UPP2: variants seen among roughly 807,000 people sequenced by gnomAD.
The protein encoded by UPP2 is uridine phosphorylase 2, also known as UPase 2.
A neutral mutation model predicts 26.7 loss-of-function variants in UPP2; 23 were observed. The observed-to-expected ratio is 0.86, with a 90% CI of 0.62 to 1.22. The LOEUF is 1.22. UPP2 is among the 50% of genes most tolerant of loss of function. The pLI is 0.00. For missense variants in UPP2, 387 were observed against 396.7 expected (o/e 0.98, Z 0.21); for synonymous variants, 127 against 141.3 (o/e 0.90, Z 0.72).
At chr2:158,095,775 A>T (rs1682975545) in intron 3 of UPP2, among the ~76,000 whole-genome samples, 1 of 151,424 alleles carries the variant, frequency 6.6e-6, no homozygotes, top group South Asian at 2.1e-4. Flanking sequence ...TGTTACTGAC[A>T]TTCTTCCTGT....
chr2:158,107,762 A>C (rs1574295711), intron 2 of UPP2, among the ~76,000 whole-genome samples: 1 of 152,236 alleles, frequency 6.6e-6, no homozygotes, highest in East Asian at 1.9e-4. Context: ...CCTAGGAAGG[A>C]AGGTGTGAGG....
Position 158,067,686 on chromosome 2 carries a change from C to T in UPP2, c.148-34354C>T, listed in dbSNP as rs914121509. The stretch of plus-strand genomic sequence containing the variant: ...TTTTATTTCATTACAAATACTGTGC[C>T]CCAGAATAATTCCTGAAACTCACTT... On this transcript the variant is annotated intron_variant, in intron 3 of 9. Transcript: ENST00000605860. Among the ~76,000 whole-genome samples the T allele has an allele frequency of 9.9e-5, 15 of 151,904 alleles. 2 individuals carry two copies. The highest frequency in any genetic ancestry group is 8.5e-4 in the Admixed American group (13 of 15,248).
intron 2 of UPP2, among the ~76,000 whole-genome samples, chr2:158,008,016 G>C (rs1683519594): frequency 6.6e-6 from 1 of 152,138 alleles, no homozygotes; most frequent in Non-Finnish European, 1.5e-5. Flanking sequence ...CAGGATCTAA[G>C]AATACATTTA....
In UPP2 at chr2:157,996,538, C is replaced by T. The variant is rs182541417; in HGVS notation, c.61+1279C>T. ...AATTAGATCCCAAAGAAAATTATTC[C>T]GGCTAATTATAAATCTTTGAAAGTT... On this transcript the variant is annotated intron_variant, in intron 2 of 9. Transcript: ENST00000605860. Among the ~76,000 whole-genome samples, 273 of 152,112 alleles carry T rather than the reference C, an allele frequency of 1.8e-3. 1 individual carries two copies. The highest frequency in any genetic ancestry group is 5.9e-3 in the African/African-American group (244 of 41,492).
rs1410258679 is a variant in UPP2 at position 158,102,233 on chromosome 2, T to C, written c.62+108T>C. The C allele has an allele frequency of 5.9e-6, 7 of 1,184,534 alleles. No homozygotes were observed. The Admixed American group carries it at 9.7e-5, about 16-fold the overall frequency. The allele number at this position is 1,184,534 out of a possible 1,614,324, so 73.4% of individuals were successfully genotyped here. ...TCTACAGTTAAGCAAATTTCTTAAATGTAGAGATTATATCACTGGATGCAG... is the reference window on the plus strand; with the variant it reads ...TCTACAGTTAAGCAAATTTCTTAAACGTAGAGATTATATCACTGGATGCAG... On this transcript the variant is annotated intron_variant, in intron 1 of 6. Coordinates refer to ENST00000005756, the MANE Select transcript of UPP2 (RefSeq NM_173355.4).
chr2:158,058,031 T>G (rs913795977), intron 3 of UPP2, among the ~76,000 whole-genome samples: 8 of 152,162 alleles, frequency 5.3e-5, no homozygotes, highest in South Asian at 2.1e-4. Context: ...AGTGGCTCAC[T>G]CCTGTAATCC....
chr2:158,047,245 G>A (rs912688812), intron 3 of UPP2, among the ~76,000 whole-genome samples: 12 of 152,136 alleles, frequency 7.9e-5, no homozygotes, highest in Non-Finnish European at 7.4e-5. Flanking sequence ...ACACAGCGGG[G>A]GTATTGAGGT....
At chr2:158,104,917 A>AAAGAG (rs1683148556) in intron 1 of UPP2, among the ~76,000 whole-genome samples, 1 of 79,026 alleles carries the variant, frequency 1.3e-5, no homozygotes, top group East Asian at 3.2e-4. Flanking sequence ...CGAAACTCTG[A>AAAGAG]AAGGGAAGGG....
chr2:158,117,255 A>G (rs568702717), intron 3 of UPP2, among the ~76,000 whole-genome samples: 1 of 152,106 alleles, frequency 6.6e-6, no homozygotes, highest in East Asian at 1.9e-4. Flanking sequence ...GGCTATGGTC[A>G]TCATCTATAG....
intron 3 of UPP2, among the ~76,000 whole-genome samples, chr2:158,086,536 G>T (rs971692534): frequency 1.3e-5 from 2 of 151,804 alleles, no homozygotes; most frequent in African/African-American, 4.8e-5. Flanking sequence ...GCTGGGTTTG[G>T]GTTTGGTTTG....
chr2:158,065,729 A>G, intron 3 of UPP2: 2 of 667,698 alleles, frequency 3.0e-6, no homozygotes, highest in Non-Finnish European at 5.6e-6. Flanking sequence ...TGGAGAAAGA[A>G]GGTACCCATG....
chr2:158,130,907 A>G (rs58521903), intron 6 of UPP2, among the ~76,000 whole-genome samples: 19,292 of 152,210 alleles, frequency 0.13, 1,950 homozygotes, highest in African/African-American at 0.28. Context: ...AGTGGAGCAC[A>G]TTTTGAGAAA....
chr2:158,057,859 GTCC>G, intron 3 of UPP2, among the ~76,000 whole-genome samples: 1 of 151,702 alleles, frequency 6.6e-6, no homozygotes, highest in East Asian at 1.9e-4. Context: ...ACTGAATTGT[GTCC>G]TCCTGAAATC....
chr2:158,110,955 G>T (rs1219491634), intron 2 of UPP2, among the ~76,000 whole-genome samples: 1 of 152,120 alleles, frequency 6.6e-6, no homozygotes, highest in Non-Finnish European at 1.5e-5. Flanking sequence ...CCATTCTGAG[G>T]TTGCCTGTTC....
intron 3 of UPP2, among the ~76,000 whole-genome samples, chr2:158,084,865 A>C (rs1682788409): frequency 6.6e-6 from 1 of 152,088 alleles, no homozygotes; most frequent in South Asian, 2.1e-4. Flanking sequence ...GCCTATTTTT[A>C]TACTAGTACC....
At chr2:158,051,017 A>G (rs988888570) in intron 3 of UPP2, among the ~76,000 whole-genome samples, 11 of 152,164 alleles carry the variant, frequency 7.2e-5, no homozygotes, top group Admixed American at 6.5e-4. Flanking sequence ...GTATCAAAAC[A>G]TCTCAGGTAC....
At chr2:158,083,436 TCA>T (rs1300606382) in intron 3 of UPP2, among the ~76,000 whole-genome samples, 5 of 152,122 alleles carry the variant, frequency 3.3e-5, no homozygotes, top group Non-Finnish European at 5.9e-5. Flanking sequence ...ACCATCATTC[TCA>T]GCAAACTAAC....
At chr2:158,086,729 T>A (rs1682823788) in intron 3 of UPP2, among the ~76,000 whole-genome samples, 1 of 152,168 alleles carries the variant, frequency 6.6e-6, no homozygotes, top group South Asian at 2.1e-4. Flanking sequence ...TTAATTTCCA[T>A]CTTGATTTCA....
intron 3 of UPP2, among the ~76,000 whole-genome samples, chr2:158,035,835 A>G (rs1683992281): frequency 6.6e-6 from 1 of 152,218 alleles, no homozygotes; most frequent in Admixed American, 6.5e-5. Context: ...TCAAATACAC[A>G]AGGGTTGAAA....
Sources: allele counts gnomAD v4.1 joint callset (sites outside exome capture counted in the v4.1 genomes callset), GRCh38; gene constraint gnomAD v4.1.1; transcripts MANE v1.5; gene names NCBI Gene and HGNC (gene_info 2026-07-23, HGNC 2026-07-21).